Variants in GNAL observed in about 807,000 individuals in gnomAD.
GNAL encodes G protein subunit alpha L.
GNAL carries 18 observed loss-of-function variants against 55.1 expected under a neutral mutation model. The observed-to-expected ratio is 0.33, with a 90% CI of 0.23 to 0.48. The LOEUF (loss-of-function observed/expected upper bound fraction) is 0.48, where lower values mean the gene tolerates loss of function less well. GNAL is among the 20% of genes least tolerant of loss of function. GNAL has a pLI of 0.99. For missense variants in GNAL, 412 were observed against 614.1 expected, an observed-to-expected ratio of 0.67 and a Z score of 3.48; for synonymous variants, 253 against 237.0, an observed-to-expected ratio of 1.07 and a Z score of -0.62.
At chr18:11,721,254 A>G (rs760482329) in intron 1 of GNAL, among the ~76,000 whole-genome samples, 6 of 152,220 alleles carry the variant, frequency 3.9e-5, no homozygotes, top group African/African-American at 9.6e-5. Context: ...GACAGATTCA[A>G]ACATTGTCCG....
At chr18:11,743,194 C>T (rs2032615752) in intron 1 of GNAL, among the ~76,000 whole-genome samples, 2 of 151,954 alleles carry the variant, frequency 1.3e-5, no homozygotes, top group Non-Finnish European at 1.5e-5. Flanking sequence ...AGGTGTTAGC[C>T]TAGGGGCCAC....
chr18:11,730,102 C>A (rs1009641720), intron 1 of GNAL, among the ~76,000 whole-genome samples: 1 of 151,294 alleles, frequency 6.6e-6, no homozygotes, highest in Admixed American at 6.6e-5. Context: ...GGCGCTATCT[C>A]GGCTCACTGC....
At chr18:11,763,171 G>A (rs1396759006) in intron 4 of GNAL, among the ~76,000 whole-genome samples, 3 of 152,030 alleles carry the variant, frequency 2.0e-5, no homozygotes, top group Non-Finnish European at 2.9e-5. Flanking sequence ...AAGAAGTACC[G>A]AATACTGCCA....
intron 4 of GNAL, among the ~76,000 whole-genome samples, chr18:11,765,818 G>A (rs2033389682): frequency 1.3e-5 from 2 of 152,086 alleles, no homozygotes; most frequent in Admixed American, 1.3e-4. Context: ...TGGATAGGAT[G>A]TCTTTGAAAC....
intron 5 of GNAL, among the ~76,000 whole-genome samples, chr18:11,835,611 T>A (rs1598416746): frequency 6.6e-6 from 1 of 152,012 alleles, no homozygotes; most frequent in East Asian, 1.9e-4. Flanking sequence ...AAGAAAAATA[T>A]GTATATGTAA....
At chr18:11,800,180 G>T (rs887233717) in intron 4 of GNAL, among the ~76,000 whole-genome samples, 3 of 152,132 alleles carry the variant, frequency 2.0e-5, no homozygotes, top group African/African-American at 4.8e-5. Flanking sequence ...ATAGATAGAT[G>T]ATAGGCAGTC....
chr18:11,840,371 C>T (rs909500542), intron 5 of GNAL, among the ~76,000 whole-genome samples: 1 of 152,190 alleles, frequency 6.6e-6, no homozygotes, highest in Non-Finnish European at 1.5e-5. Context: ...CTAAATATAT[C>T]TTCTAAGATA....
At chr18:11,862,725 G>A (rs2036175711) in intron 6 of GNAL, among the ~76,000 whole-genome samples, 1 of 151,986 alleles carries the variant, frequency 6.6e-6, no homozygotes, top group Non-Finnish European at 1.5e-5. Context: ...TCCTGGAGCT[G>A]TCCTCAGGAA....
At chr18:11,848,514 TG>T (rs1371322957) in intron 5 of GNAL, among the ~76,000 whole-genome samples, 5 of 151,632 alleles carry the variant, frequency 3.3e-5, no homozygotes, top group African/African-American at 4.9e-5. Context: ...TGTAGTGCAC[TG>T]GCGTGATCTC....
chr18:11,812,334 TG>T (rs1442030374), intron 4 of GNAL, among the ~76,000 whole-genome samples: 1 of 152,158 alleles, frequency 6.6e-6, no homozygotes, highest in Non-Finnish European at 1.5e-5. Flanking sequence ...CAACTGGCCC[TG>T]GGGGGCTATG....
chr18:11,758,864 C>A (rs893163941), intron 4 of GNAL, among the ~76,000 whole-genome samples: 1 of 152,268 alleles, frequency 6.6e-6, no homozygotes, highest in Admixed American at 6.5e-5. Context: ...CATAGATTAG[C>A]TGATCATTTA....
intron 1 of GNAL, among the ~76,000 whole-genome samples, chr18:11,707,425 C>A (rs531271759): frequency 6.6e-6 from 1 of 152,276 alleles, no homozygotes; most frequent in African/African-American, 2.4e-5. Flanking sequence ...TGAAAGCAAT[C>A]TTTTTTTCCG....
At chr18:11,873,187 G>A (rs867766907) in intron 10 of GNAL, among the ~76,000 whole-genome samples, 4 of 152,144 alleles carry the variant, frequency 2.6e-5, no homozygotes, top group African/African-American at 9.7e-5. Flanking sequence ...ACTAGAAAAC[G>A]CAGAATAAAA....
intron 4 of GNAL, among the ~76,000 whole-genome samples, chr18:11,791,993 G>A (rs1387869411): frequency 9.9e-5 from 15 of 152,120 alleles, no homozygotes; most frequent in Admixed American, 3.9e-4. Context: ...TGTCATTTCC[G>A]ATTTTAATTT....
At chr18:11,841,644 C>CAA (rs56295234) in intron 5 of GNAL, among the ~76,000 whole-genome samples, 4 of 122,744 alleles carry the variant, frequency 3.3e-5, no homozygotes, top group African/African-American at 6.0e-5. Flanking sequence ...GGGTCTGTCT[C>CAA]AAAAAAAAAA....
intron 4 of GNAL, among the ~76,000 whole-genome samples, chr18:11,802,621 C>A (rs750785691): frequency 6.6e-6 from 1 of 152,192 alleles, no homozygotes; most frequent in Non-Finnish European, 1.5e-5. Context: ...CAAAACTGGT[C>A]ACTGCATATT....
intron 1 of GNAL, among the ~76,000 whole-genome samples, chr18:11,721,242 A>G (rs1271541110): frequency 6.6e-6 from 1 of 152,260 alleles, no homozygotes; most frequent in Non-Finnish European, 1.5e-5. Flanking sequence ...TCAAAAACTC[A>G]TGACAGATTC....
intron 4 of GNAL, among the ~76,000 whole-genome samples, chr18:11,773,639 C>G (rs183390347): frequency 1.3e-5 from 2 of 152,174 alleles, no homozygotes; most frequent in Non-Finnish European, 1.5e-5. Context: ...AAAAAAATAG[C>G]CGGGCATGGT....
chr18:11,847,702 C>G (rs1255769274), intron 5 of GNAL, among the ~76,000 whole-genome samples: 1 of 152,018 alleles, frequency 6.6e-6, no homozygotes, highest in Non-Finnish European at 1.5e-5. Context: ...GTGGTAGTTG[C>G]TAAACAATTC....
Sources: allele counts gnomAD v4.1 joint callset (sites outside exome capture counted in the v4.1 genomes callset), GRCh38; gene constraint gnomAD v4.1.1; transcripts MANE v1.5; gene names NCBI Gene and HGNC (gene_info 2026-07-23, HGNC 2026-07-21).